The following PDE8A variants were observed in gnomAD, a reference collection of about 807,000 sequenced individuals.
PDE8A encodes high affinity cAMP-specific and IBMX-insensitive 3',5'-cyclic phosphodiesterase 8A.
In PDE8A, 59 loss-of-function variants were observed where a neutral mutation model predicts 105.0. The ratio of observed to expected loss-of-function variants is 0.56; its 90% CI spans 0.46 to 0.70. The LOEUF is 0.70. PDE8A is among the 30% of genes least tolerant of loss of function. PDE8A has a pLI of 0.00. For synonymous variants in PDE8A, 355 were observed against 371.9 expected (o/e 0.95, Z 0.52); for missense variants, 1,014 against 1,045.9 (o/e 0.97, Z 0.42).
intron 1 of PDE8A, among the ~76,000 whole-genome samples, chr15:85,009,995 C>T (rs560166944): frequency 2.1e-3 from 327 of 152,168 alleles, no homozygotes; most frequent in Middle Eastern, 0.01. Context: ...TCATAAGCAT[C>T]GTGTTGAGTG....
chr15:85,110,533 G>T (rs899242441), intron 12 of PDE8A, among the ~76,000 whole-genome samples: 7 of 152,154 alleles, frequency 4.6e-5, no homozygotes, highest in Non-Finnish European at 7.3e-5. Flanking sequence ...GTGCCTCATA[G>T]AATTGGAATC....
chr15:85,040,099 C>T (rs1452042137), intron 1 of PDE8A, among the ~76,000 whole-genome samples: 1 of 151,840 alleles, frequency 6.6e-6, no homozygotes, highest in Non-Finnish European at 1.5e-5. Context: ...TAAATGTTCT[C>T]ACCATAAAGA....
At position 85,003,660 on chromosome 15, in the gene PDE8A, G is replaced by T. The variant is rs547482199; in HGVS notation, c.186+21312G>T. On this transcript the variant is annotated intron_variant, in intron 1 of 21. Coordinates refer to ENST00000394553, the MANE Select transcript of PDE8A (RefSeq NM_002605.3). ...CCTGAGGCAGTTTGTATTCTGAATT[G>T]TTAGAGAACTTTTCCACTTACTCTG... is the stretch of plus-strand genomic sequence containing the variant. 4.6e-5 allele frequency among the ~76,000 whole-genome samples: 7 copies of T among 152,288 alleles called. No homozygotes were observed. In the South Asian group the frequency reaches 1.5e-3, roughly 32 times the overall value.
intron 1 of PDE8A, among the ~76,000 whole-genome samples, chr15:85,036,278 A>T (rs1401051712): frequency 1.3e-5 from 2 of 152,182 alleles, no homozygotes; most frequent in Non-Finnish European, 2.9e-5. Context: ...TTCTACATCA[A>T]TTCAAAGACC....
intron 1 of PDE8A, among the ~76,000 whole-genome samples, chr15:85,007,222 G>T (rs1038227199): frequency 6.6e-6 from 1 of 152,074 alleles, no homozygotes; most frequent in Non-Finnish European, 1.5e-5. Flanking sequence ...GGCAGTGTCA[G>T]TTAAAGGGGC....
At chr15:85,090,846 C>G (rs2081631069) in intron 7 of PDE8A, 198 bp from the exon 8 acceptor site, 1 of 645,412 alleles carries the variant, frequency 1.5e-6, no homozygotes, top group Non-Finnish European at 2.9e-6. Flanking sequence ...CGGGTATCAC[C>G]CAAGCAGAAG....
In PDE8A at chr15:85,085,427, C is replaced by T. The variant is rs943626060; in HGVS notation, c.635+1783C>T. On this transcript the variant is annotated intron_variant, in intron 6 of 21. Coordinates refer to ENST00000394553, the MANE Select transcript of PDE8A (RefSeq NM_002605.3). ...ATAAAAACCAGAAACAGGCCGGGCACGGTGGCTCATGCCTGTAATCCCACC... is the reference window on the plus strand; with the variant it reads ...ATAAAAACCAGAAACAGGCCGGGCATGGTGGCTCATGCCTGTAATCCCACC... Among the ~76,000 whole-genome samples the T allele has an allele frequency of 1.6e-4, 25 of 152,264 alleles. No homozygotes were observed. The East Asian group carries it at 4.6e-3, about 28-fold the overall frequency.
chr15:85,066,009 C>A (rs764564570), intron 2 of PDE8A, among the ~76,000 whole-genome samples: 4 of 136,120 alleles, frequency 2.9e-5, no homozygotes, highest in Non-Finnish European at 4.6e-5. Context: ...TTAAATCTTT[C>A]TTCTTTTAAT....
At chr15:84,982,418 G>A (rs2079730450) in intron 1 of PDE8A, 70 bp downstream of exon 1, 1 of 1,026,286 alleles carries the variant, frequency 9.7e-7, no homozygotes, top group East Asian at 3.3e-5. Context: ...TTTCCCGCAG[G>A]GGCCGGGCGG....
intron 1 of PDE8A, among the ~76,000 whole-genome samples, chr15:85,014,165 G>T (rs1055066352): frequency 6.6e-6 from 1 of 151,232 alleles, no homozygotes; most frequent in Non-Finnish European, 1.5e-5. Context: ...TAAAGTCAGG[G>T]TCTTGCTCTG....
chr15:85,112,561 A>G (rs2082036075), intron 12 of PDE8A, among the ~76,000 whole-genome samples: 2 of 152,208 alleles, frequency 1.3e-5, no homozygotes, highest in South Asian at 4.1e-4. Context: ...CAAATTTAAA[A>G]CATTTGAGAC....
At chr15:85,074,579 G>C (rs28718705) in intron 3 of PDE8A, among the ~76,000 whole-genome samples, 36,076 of 152,108 alleles carry the variant, frequency 0.24, 4,703 homozygotes, top group African/African-American at 0.34. Context: ...CCAGCTGGTC[G>C]CAGCTACTCA....
At chr15:85,123,019 A>G (rs1335765631) in intron 18 of PDE8A, 42 bp from the exon 19 acceptor site, 2 of 1,606,798 alleles carry the variant, frequency 1.2e-6, no homozygotes, top group African/African-American at 1.3e-5. Flanking sequence ...TCTGGTCTGG[A>G]TCAGTAATTT....
intron 1 of PDE8A, among the ~76,000 whole-genome samples, chr15:84,996,899 T>G (rs2079988087): frequency 6.8e-6 from 1 of 147,752 alleles, no homozygotes; most frequent in Admixed American, 6.7e-5. Context: ...CTTACAGGAC[T>G]GGAAGCTGCT....
At chr15:85,111,402 G>A (rs1312651883) in intron 12 of PDE8A, among the ~76,000 whole-genome samples, 1 of 152,098 alleles carries the variant, frequency 6.6e-6, no homozygotes, top group Non-Finnish European at 1.5e-5. Flanking sequence ...TCTGGTGAGG[G>A]TAGAGATCAA....
chr15:85,064,174 C>T, intron 1 of PDE8A, 196 bp from the exon 2 acceptor site: 1 of 491,120 alleles, frequency 2.0e-6, no homozygotes, highest in Non-Finnish European at 3.6e-6. Context: ...TTCTCCTTTC[C>T]TGCTCCCCAC....
intron 3 of PDE8A, among the ~76,000 whole-genome samples, chr15:85,071,379 CT>C (rs1183124133): frequency 2.0e-5 from 3 of 152,242 alleles, no homozygotes; most frequent in Non-Finnish European, 4.4e-5. Context: ...CCTGCTGCCC[CT>C]GATTCTTTAC....
At position 85,065,846 on chromosome 15, in the gene PDE8A, G is replaced by A. The variant is rs895241879; in HGVS notation, c.244-1168G>A. Among the ~76,000 whole-genome samples, 4 of 152,336 alleles carry A rather than the reference G, an allele frequency of 2.6e-5. No individual in the cohort carries two copies. In the East Asian group the frequency reaches 5.8e-4, roughly 22 times the overall value. On this transcript the variant is annotated intron_variant, in intron 2 of 21. Coordinates refer to ENST00000394553, the MANE Select transcript of PDE8A (RefSeq NM_002605.3). Reference sequence around the variant, plus strand: ...AGGAGGCTGGCTGGATAAGGAAGACGCTATGGATACAGGCCTCGCTTGCTC... The same window carrying A: ...AGGAGGCTGGCTGGATAAGGAAGACACTATGGATACAGGCCTCGCTTGCTC...
Position 85,116,052 on chromosome 15 carries a change from C to T in PDE8A, c.1468C>T (p.Arg490Trp), listed in dbSNP as rs369514553. ...TGATGATGTCCCACCACGGATAGCT[C>T]GGGCCATGGAAAATGAGGAATACTG... is the stretch of plus-strand genomic sequence containing the variant. ...SLDDVPPRIA[R>W]AMENEEYWDF... is the part of the protein sequence containing the mutation. The change falls in exon 16 of 22, where the codon CGG becomes TGG. Residue 490 changes from arginine to tryptophan, a missense_variant. Transcript: ENST00000394553. 1.5e-5 allele frequency: 25 copies of T among 1,613,328 alleles called. No individual in the cohort carries two copies. Among genetic ancestry groups the T allele is most frequent in the East Asian group, 4.5e-5 (2 of 44,892 alleles).
Sources: allele counts gnomAD v4.1 joint callset (sites outside exome capture counted in the v4.1 genomes callset), GRCh38; gene constraint gnomAD v4.1.1; transcripts MANE v1.5; gene names NCBI Gene and HGNC (gene_info 2026-07-23, HGNC 2026-07-21).